HYOU1: variants seen among roughly 807,000 people sequenced by gnomAD.
HYOU1 encodes hypoxia up-regulated protein 1.
HYOU1 carries 40 observed loss-of-function variants against 120.5 expected under a neutral mutation model. The ratio of observed to expected loss-of-function variants is 0.33; its 90% confidence interval spans 0.26 to 0.43. The LOEUF (loss-of-function observed/expected upper bound fraction) is 0.43. Ranked by LOEUF, HYOU1 falls within the 20% of genes least tolerant of loss-of-function variation. HYOU1 has a pLI of 1.00. For synonymous variants in HYOU1, 501 were observed against 479.4 expected, an observed-to-expected ratio of 1.05 and a Z score of -0.59; for missense variants, 1,085 against 1,278.3, an observed-to-expected ratio of 0.85 and a Z score of 2.31.
Position 119,051,758 on chromosome 11 carries a change from G to A in HYOU1, c.1338+61C>T, listed in dbSNP as rs1425049636. 1 of 1,606,914 alleles carries A rather than the reference G, an allele frequency of 6.2e-7. No homozygotes were observed. Among genetic ancestry groups the A allele is most frequent in the Non-Finnish European group, 8.5e-7 (1 of 1,174,164 alleles). ...AGGGATGAGCCAGAGCAGACAGAAG[G>A]GGAAACCCTACTTGGGAGAGGTAAA... On this transcript the variant is annotated intron_variant, in intron 12 of 25. Coordinates refer to ENST00000617285, the MANE Select transcript of HYOU1 (RefSeq NM_006389.5). This position sits in a 1 kb window ranked among gnomAD's most constrained non-coding sequence, Gnocchi z 4.2.
At chr11:119,050,911 A>G in intron 14 of HYOU1, 124 bp downstream of exon 14, 1 of 1,132,308 alleles carries the variant, frequency 8.8e-7, no homozygotes, top group Non-Finnish European at 1.3e-6. Context: ...TTCAGAGCCA[A>G]CATTTTTCTG....
At position 119,052,266 on chromosome 11, in the gene HYOU1, G is replaced by T. The variant is rs1051870210; in HGVS notation, c.1122+29C>A. 1.2e-6 allele frequency: 2 copies of T among 1,614,016 alleles called. No individual in the cohort carries two copies. The highest frequency in any genetic ancestry group is 3.3e-5 in the Admixed American group (2 of 59,998). ...GGGTTTCCTATGCCCTTTCCTACGG[G>T]GCATTCCCGCCTTCCCCTACTCGCT... On this transcript the variant is annotated intron_variant, in intron 10 of 25. Coordinates refer to ENST00000617285, the MANE Select transcript of HYOU1 (RefSeq NM_006389.5). The surrounding 1 kb of genome is among the most constrained non-coding windows in gnomAD (Gnocchi z 5.0).
In HYOU1 at chr11:119,046,555, T is replaced by C. The variant is rs2133550920; in HGVS notation, c.2836+7A>G. ...GCAGAACATGCAGCCAGGTACCCTG[T>C]TCTCACCTGCTGGAGGGATGACCTT... is the stretch of plus-strand genomic sequence containing the variant. On this transcript the variant is annotated splice_region_variant and intron_variant, in intron 23 of 25. Coordinates refer to ENST00000617285, the MANE Select transcript of HYOU1 (RefSeq NM_006389.5). 2 of 1,613,850 alleles carry C rather than the reference T, an allele frequency of 1.2e-6. No homozygotes were observed. Among genetic ancestry groups the C allele is most frequent in the South Asian group, 2.2e-5 (2 of 91,068 alleles).
chr11:119,054,467 T>C, intron 7 of HYOU1, 27 bp downstream of exon 7: 1 of 1,609,626 alleles, frequency 6.2e-7, no homozygotes, highest in Non-Finnish European at 8.5e-7. Context: ...TCACCCTGCA[T>C]GTCTGGTCAA....
At position 119,051,261 on chromosome 11, in the gene HYOU1, AG is replaced by A; in HGVS notation, c.1527-89del. ...ACATGGCCTCCTGGCACAAGGTGTC[AG>A]GGGCACTCCCCAAGGGCACACTCAA... is the stretch of plus-strand genomic sequence containing the variant. On this transcript the variant is annotated intron_variant, in intron 13 of 25. Transcript: ENST00000617285. The surrounding 1 kb of genome is among the most constrained non-coding windows in gnomAD (Gnocchi z 4.2). 1 of 1,568,414 alleles carries A rather than the reference AG, an allele frequency of 6.4e-7. No homozygotes were observed. Among genetic ancestry groups the A allele is most frequent in the Non-Finnish European group, 8.7e-7 (1 of 1,148,222 alleles).
Position 119,055,846 on chromosome 11 carries a change from G to C in HYOU1, c.92-3C>G. ...CACAGACATCACTGCCAGTGTATCTGAAGGGAAAAGAGGTTTGTCAGTTAG... is the reference window on the plus strand; with the variant it reads ...CACAGACATCACTGCCAGTGTATCTCAAGGGAAAAGAGGTTTGTCAGTTAG... On this transcript the variant is annotated splice_region_variant and splice_polypyrimidine_tract_variant and intron_variant, in intron 2 of 25. Transcript: ENST00000617285. This position sits in a 1 kb window ranked among gnomAD's most constrained non-coding sequence, Gnocchi z 4.0. 6.2e-7 allele frequency: 1 copy of C among 1,613,016 alleles called. No individual in the cohort carries two copies. Among genetic ancestry groups the C allele is most frequent in the Non-Finnish European group, 8.5e-7 (1 of 1,178,964 alleles).
intron 6 of HYOU1, 149 bp downstream of exon 6, chr11:119,054,835 A>C: frequency 9.8e-7 from 1 of 1,017,746 alleles, no homozygotes; most frequent in Non-Finnish European, 1.4e-6. Context: ...TACCCACTAG[A>C]TAGCAGGTGC....
rs1944379626 is a variant in HYOU1 at position 119,050,719 on chromosome 11, C to CAAAAAAAAA, written c.1665+315_1665+316insTTTTTTTTT. 1.9e-4 allele frequency among the ~76,000 whole-genome samples: 10 copies of CAAAAAAAAA among 52,868 alleles called. 5 individuals carry two copies. The highest frequency in any genetic ancestry group is 4.8e-4 in the Admixed American group (2 of 4,170). 34.7% of individuals were successfully genotyped at this position (52,868 alleles called of 152,430 possible). A position where few individuals can be genotyped will look rare whatever the true frequency, so the allele number is the denominator to read the frequency against. On this transcript the variant is annotated intron_variant, in intron 14 of 25. Transcript: ENST00000617285. ...TTAAGTAACAGAGCCAAGACCCTCT[C>CAAAAAAAAA]CAAAAAAAAAAAAAAAAAAAAAAAA...
Position 119,047,969 on chromosome 11 carries a change from TGAG to T in HYOU1, c.2485_2487del (p.Leu829del), listed in dbSNP as rs2133559949. 1.2e-6 allele frequency: 2 copies of T among 1,614,122 alleles called. No homozygotes were observed. The highest frequency in any genetic ancestry group is 1.7e-6 in the Non-Finnish European group (2 of 1,179,990). ...CACTTGAGGAACATGCTGGAATGGT[TGAG>T]GAGATTATCGAGGGCAGACAGCCGT... On this transcript the variant is annotated inframe_deletion, in exon 21 of 26. Coordinates refer to ENST00000617285, the MANE Select transcript of HYOU1 (RefSeq NM_006389.5).
chr11:119,049,503 T>A, intron 16 of HYOU1, 53 bp downstream of exon 16: 1 of 1,594,086 alleles, frequency 6.3e-7, no homozygotes, highest in Non-Finnish European at 8.6e-7. Flanking sequence ...CTGCGGCTAC[T>A]ACCTGCATCC....
chr11:119,051,341 C>A lies in HYOU1; in HGVS notation c.1526+97G>T. On this transcript the variant is annotated intron_variant, in intron 13 of 25. Transcript: ENST00000617285. This position sits in a 1 kb window ranked among gnomAD's most constrained non-coding sequence, Gnocchi z 4.2. ...GATCATAGCTGCCCTGTTTCAGCCC[C>A]GCAGGCCCACATCCTCCCTCACCCC... 1 of 1,498,758 alleles carries A rather than the reference C, an allele frequency of 6.7e-7. No individual in the cohort carries two copies. The highest frequency in any genetic ancestry group is 9.1e-7 in the Non-Finnish European group (1 of 1,093,512). 92.8% of individuals were successfully genotyped at this position (1,498,758 alleles called of 1,614,324 possible). A position where few individuals can be genotyped will look rare whatever the true frequency, so the allele number is the denominator to read the frequency against.
intron 8 of HYOU1, 147 bp downstream of exon 8, chr11:119,053,974 G>T: frequency 3.4e-6 from 2 of 596,446 alleles, no homozygotes. Context: ...CTTACTCTTT[G>T]TGAGTGGTCC....
In HYOU1 at chr11:119,052,456, G is replaced by T; in HGVS notation, c.988-27C>A. On this transcript the variant is annotated intron_variant, in intron 9 of 25. Transcript: ENST00000617285. This position sits in a 1 kb window ranked among gnomAD's most constrained non-coding sequence, Gnocchi z 5.0. ...TGGGAGAGGATGGGGACTGTCAGGG[G>T]GTTCTTGCCCAGCTCCCGCTCTCTT... 5.0e-6 allele frequency: 8 copies of T among 1,613,982 alleles called. No individual in the cohort carries two copies. Among genetic ancestry groups the T allele is most frequent in the Non-Finnish European group, 5.9e-6 (7 of 1,180,004 alleles).
At position 119,048,522 on chromosome 11, in the gene HYOU1, C is replaced by T. The variant is rs2133565060; in HGVS notation, c.2207G>A (p.Arg736Gln). The T allele has an allele frequency of 2.4e-5, 39 of 1,613,912 alleles. No homozygotes were observed. The highest frequency in any genetic ancestry group is 1.6e-4 in the Middle Eastern group (1 of 6,080). The change falls in exon 19 of 26, where the codon CGG (arginine) becomes CAG (glutamine). Residue 736 changes from arginine (R) to glutamine (Q), a missense_variant. Arg to Gln is a conservative substitution (Grantham distance 43). Coordinates refer to ENST00000617285, the MANE Select transcript of HYOU1 (RefSeq NM_006389.5). The surrounding 1 kb of genome is among the most constrained non-coding windows in gnomAD (Gnocchi z 4.7). ...TTCCAAGCTGTTGGCAGCTTTTTCC[C>T]GTTCCTGCTTCTCCAGGTCTCGGAG... ...LTLRDLEKQE[R>Q]EKAANSLEAF... is the part of the protein sequence containing the mutation.
chr11:119,056,484 G>A, intron 1 of HYOU1: 1 of 438,556 alleles, frequency 2.3e-6, no homozygotes, highest in African/African-American at 2.0e-5. Flanking sequence ...GTGGCGCACC[G>A]CAGCACTGTG....
rs2133576800 is a variant in HYOU1 at position 119,049,946 on chromosome 11, T to C, written c.1666-109A>G. ...TGCACACTCCATGCCGTCACAGGCC[T>C]AGTCTCTCACCTGCCTTTTCTAAGG... On this transcript the variant is annotated intron_variant, in intron 14 of 25. Transcript: ENST00000617285. The C allele has an allele frequency of 1.1e-4, 107 of 978,194 alleles. No homozygotes were observed. The East Asian group carries it at 2.5e-3, about 23-fold the overall frequency. 60.6% of individuals were successfully genotyped at this position (978,194 alleles called of 1,614,324 possible).
intron 6 of HYOU1, 102 bp from the exon 7 acceptor site, chr11:119,054,777 T>G: frequency 7.8e-7 from 1 of 1,287,534 alleles, no homozygotes; most frequent in Non-Finnish European, 1.1e-6. Context: ...TTCTGTGTTG[T>G]GGGGCTGTCC....
In HYOU1 at chr11:119,056,006, C is replaced by T; in HGVS notation, c.91+64G>A. 8 of 1,492,536 alleles carry T rather than the reference C, an allele frequency of 5.4e-6. No homozygotes were observed. The South Asian group carries it at 9.0e-5, about 17-fold the overall frequency. 92.5% of individuals were successfully genotyped at this position (1,492,536 alleles called of 1,614,324 possible). A position where few individuals can be genotyped will look rare whatever the true frequency, so the allele number is the denominator to read the frequency against. The stretch of plus-strand genomic sequence containing the variant: ...GACTTCTGGCCAACAGCCCCAAGCT[C>T]AATTCCCATCATGCATCCTTCAGTC... On this transcript the variant is annotated intron_variant, in intron 2 of 25. Coordinates refer to ENST00000617285, the MANE Select transcript of HYOU1 (RefSeq NM_006389.5).
chr11:119,047,951 G>A lies in HYOU1; in HGVS notation c.2506C>T (p.Leu836Phe), dbSNP rs1314371224. ...AAGGGTTCAGGGGCTGCTCACTTGA[G>A]GAACATGCTGGAATGGTTGAGGAGA... Reference protein sequence around the residue: ...DNLLNHSSMFLKGARLIPEMD... With the variant: ...DNLLNHSSMFFKGARLIPEMD... The change falls in exon 21 of 26, where the codon CTC (leucine) becomes TTC (phenylalanine). Residue 836 changes from leucine (L) to phenylalanine (F), a missense_variant. Around this residue, in one of 4 missense-constraint regions of HYOU1, gnomAD observed 516 missense variants for 517.1 expected, o/e 1.00. Transcript: ENST00000617285. The A allele has an allele frequency of 1.2e-6, 2 of 1,614,202 alleles. No individual in the cohort carries two copies. The highest frequency in any genetic ancestry group is 1.1e-5 in the South Asian group (1 of 91,084).
Sources: gnomAD v4.1 joint callset for allele counts (sites outside exome capture counted in the v4.1 genomes callset) on GRCh38, gnomAD v4.1.1 for gene constraint, gnomAD v4.1.1 regional missense constraint, Gnocchi (gnomAD v3.1) non-coding constraint, MANE v1.5 for transcripts, NCBI Gene and HGNC (gene_info 2026-07-23, HGNC 2026-07-21) for gene names.